The following ANKRD31 variants were observed in gnomAD, a reference collection of about 807,000 sequenced individuals.
ANKRD31 encodes ankyrin repeat domain 31.
A neutral mutation model predicts 186.0 loss-of-function variants in ANKRD31; 147 were observed. That is an observed-to-expected ratio of 0.79 (90% CI 0.69 to 0.91). The LOEUF is 0.91. Among genes scored for constraint, ANKRD31 ranks in the 40% least tolerant of loss-of-function variants. The probability of loss-of-function intolerance (pLI) is 0.00; values close to 1 mark genes in which losing one functional copy is unlikely to be tolerated. For missense variants in ANKRD31, 1,986 were observed against 2,148.8 expected, an observed-to-expected ratio of 0.92 and a Z score of 1.50; for synonymous variants, 673 against 736.4, an observed-to-expected ratio of 0.91 and a Z score of 1.39.
In ANKRD31 at chr5:75,071,497, G is replaced by T. The variant is rs1038937951; in HGVS notation, c.5648-2833C>A. On this transcript the variant is annotated intron_variant, in intron 25 of 25. Transcript: ENST00000506364. ...ACTGACATCTGAGAAAAGCTGTTTT[G>T]TTTTTTTTTTTTTTTGAGGTGGAGT... Among the ~76,000 whole-genome samples, 112 of 131,360 alleles carry T rather than the reference G, an allele frequency of 8.5e-4. No homozygotes were observed. In the Middle Eastern group the frequency reaches 0.015, roughly 17 times the overall value. 86.2% of individuals were successfully genotyped at this position (131,360 alleles called of 152,430 possible).
intron 22 of ANKRD31, among the ~76,000 whole-genome samples, chr5:75,096,169 G>A (rs779671205): frequency 3.3e-5 from 5 of 152,040 alleles, no homozygotes; most frequent in Admixed American, 6.6e-5. Flanking sequence ...CTGCAACCTC[G>A]CCAGCATCTG....
intron 6 of ANKRD31, among the ~76,000 whole-genome samples, chr5:75,196,454 C>CA (rs1174228989): frequency 1.3e-5 from 2 of 152,082 alleles, no homozygotes; most frequent in African/African-American, 2.4e-5. Context: ...TTACGGATGG[C>CA]AAATTATTCA....
At chr5:75,210,799 A>G in intron 4 of ANKRD31, 29 bp downstream of exon 4, 2 of 1,461,764 alleles carry the variant, frequency 1.4e-6, no homozygotes, top group East Asian at 2.5e-5. Flanking sequence ...TACCTACAAC[A>G]TAATGAAGCC....
At chr5:75,216,377 A>G (rs1373493262) in intron 3 of ANKRD31, among the ~76,000 whole-genome samples, 1 of 152,142 alleles carries the variant, frequency 6.6e-6, no homozygotes, top group Non-Finnish European at 1.5e-5. Context: ...TACTTTTTAA[A>G]CCATGTTCTG....
chr5:75,110,345 C>T (rs1004638237), intron 20 of ANKRD31, among the ~76,000 whole-genome samples: 4 of 152,164 alleles, frequency 2.6e-5, no homozygotes, highest in South Asian at 4.2e-4. Flanking sequence ...AACTGTATTA[C>T]ATAAATAGGC....
intron 4 of ANKRD31, among the ~76,000 whole-genome samples, chr5:75,207,478 T>G (rs1452076856): frequency 2.6e-5 from 4 of 152,142 alleles, no homozygotes; most frequent in Non-Finnish European, 5.9e-5. Context: ...AATATTTATG[T>G]TAGGTAAGAC....
intron 19 of ANKRD31, among the ~76,000 whole-genome samples, chr5:75,114,802 G>T (rs1000375824): frequency 1.3e-5 from 2 of 152,168 alleles, no homozygotes; most frequent in East Asian, 1.9e-4. Context: ...TGGATAGGAA[G>T]AATCAATATT....
chr5:75,228,523 G>C (rs1001297868), intron 2 of ANKRD31, among the ~76,000 whole-genome samples: 19 of 151,728 alleles, frequency 1.3e-4, no homozygotes, highest in African/African-American at 4.4e-4. Flanking sequence ...TAAACAAAAG[G>C]TTGAAGTAAA....
intron 21 of ANKRD31, among the ~76,000 whole-genome samples, chr5:75,106,272 G>A (rs1406130218): frequency 6.6e-6 from 1 of 151,940 alleles, no homozygotes; most frequent in Admixed American, 6.6e-5. Context: ...CCTGTGAAAT[G>A]GTCTCAGGAA....
At chr5:75,211,737 C>T (rs752103384) in intron 3 of ANKRD31, among the ~76,000 whole-genome samples, 112 of 151,766 alleles carry the variant, frequency 7.4e-4, no homozygotes, top group Non-Finnish European at 1.3e-3. Context: ...TTTGCATTTC[C>T]CTAATGATTA....
chr5:75,172,785 C>T (rs568688422), intron 10 of ANKRD31, among the ~76,000 whole-genome samples: 1 of 152,296 alleles, frequency 6.6e-6, no homozygotes, highest in African/African-American at 2.4e-5. Flanking sequence ...CAGACAGATT[C>T]ACAGCCGAAT....
At chr5:75,095,816 GA>G (rs201510785) in intron 22 of ANKRD31, among the ~76,000 whole-genome samples, 2 of 151,752 alleles carry the variant, frequency 1.3e-5, no homozygotes, top group South Asian at 4.2e-4. Flanking sequence ...TGTATATATA[GA>G]AAAAAAACAG....
chr5:75,173,642 A>G (rs1425547798), intron 10 of ANKRD31, among the ~76,000 whole-genome samples: 2 of 152,244 alleles, frequency 1.3e-5, no homozygotes, highest in Non-Finnish European at 2.9e-5. Context: ...ATTGCTACAA[A>G]GAGAATAAAA....
rs1181253972 is a variant in ANKRD31 at position 75,192,296 on chromosome 5, T to C, written c.1408+371A>G. Reference sequence around the variant, plus strand: ...GTTTTTTAGTTCAATCTTTTGGATGTTATAGGAACACAGAAATAAGATCTA... The same window carrying C: ...GTTTTTTAGTTCAATCTTTTGGATGCTATAGGAACACAGAAATAAGATCTA... On this transcript the variant is annotated intron_variant, in intron 9 of 25. Coordinates refer to ENST00000506364, the MANE Select transcript of ANKRD31 (RefSeq NM_001372053.1). 2.0e-5 allele frequency among the ~76,000 whole-genome samples: 3 copies of C among 152,178 alleles called. No individual in the cohort carries two copies. In the East Asian group the frequency reaches 5.8e-4, roughly 29 times the overall value.
At chr5:75,144,195 C>A (rs1302255937) in intron 14 of ANKRD31, 24 bp from the exon 15 acceptor site, 4 of 396,260 alleles carry the variant, frequency 1.0e-5, no homozygotes, top group Non-Finnish European at 1.8e-5. Flanking sequence ...TTTACAATAT[C>A]AGTGTTGTTG....
chr5:75,068,461 A>G lies in ANKRD31; in HGVS notation c.*58T>C. The G allele has an allele frequency of 7.1e-7, 1 of 1,404,272 alleles. No homozygotes were observed. Among genetic ancestry groups the G allele is most frequent in the Non-Finnish European group, 9.3e-7 (1 of 1,079,412 alleles). The allele number at this position is 1,404,272 out of a possible 1,614,324, so 87.0% of individuals were successfully genotyped here. ...CCCACCAGATTATACAAGATGAAAT[A>G]TAAATGTTTGTTGGTAATTTGAACA... On this transcript the variant is annotated 3_prime_UTR_variant, in exon 26 of 26. Transcript: ENST00000506364.
At chr5:75,110,977 T>A (rs1325818131) in intron 20 of ANKRD31, among the ~76,000 whole-genome samples, 1 of 151,728 alleles carries the variant, frequency 6.6e-6, no homozygotes, top group African/African-American at 2.4e-5. Flanking sequence ...TGTTAATCTT[T>A]CCTAAGAAGA....
chr5:75,206,389 T>G, intron 5 of ANKRD31, 22 bp downstream of exon 5: 2 of 1,387,412 alleles, frequency 1.4e-6, no homozygotes, highest in Non-Finnish European at 1.9e-6. Context: ...TTCCTTTATA[T>G]GACTCTACCA....
At position 75,169,039 on chromosome 5, in the gene ANKRD31, A is replaced by G. The variant is rs77974311; in HGVS notation, c.1647T>C (p.Asn549=). The G allele has an allele frequency of 0.017, 26,430 of 1,536,642 alleles. 660 individuals carry two copies. The highest frequency in any genetic ancestry group is 0.11 in the African/African-American group (7,888 of 73,074). ...SELLKGGADV[N]IKGLYQITPL... ...GAGTAATCTGGTATAATCCTTTGAT[A>G]TTTACATCTGCTCCACCTTTTAATA... Residue 549 remains asparagine (N), a synonymous_variant, in exon 11 of 26, where the codon AAT becomes AAC. Coordinates refer to ENST00000506364, the MANE Select transcript of ANKRD31 (RefSeq NM_001372053.1).
Sources: gnomAD v4.1 joint callset for allele counts (sites outside exome capture counted in the v4.1 genomes callset) on GRCh38, gnomAD v4.1.1 for gene constraint, MANE v1.5 for transcripts, NCBI Gene and HGNC (gene_info 2026-07-23, HGNC 2026-07-21) for gene names.